GTF2H1: variants seen among roughly 807,000 people sequenced by gnomAD.
GTF2H1 encodes the protein BTF2 p62.
A neutral mutation model predicts 71.2 loss-of-function variants in GTF2H1; 16 were observed. That is an observed-to-expected ratio of 0.22 (90% CI 0.15 to 0.34). GTF2H1 has a LOEUF of 0.34. GTF2H1 is among the 10% of genes least tolerant of loss of function. The probability of loss-of-function intolerance (pLI) is 1.00; values close to 1 mark genes in which losing one functional copy is unlikely to be tolerated. For synonymous variants in GTF2H1, 215 were observed against 219.0 expected (o/e 0.98, Z 0.16); for missense variants, 498 against 648.2 (o/e 0.77, Z 2.52).
intron 13 of GTF2H1, among the ~76,000 whole-genome samples, chr11:18,359,467 A>G (rs557787283): frequency 2.0e-5 from 3 of 152,236 alleles, no homozygotes; most frequent in Non-Finnish European, 4.4e-5. Flanking sequence ...AATGTTGACC[A>G]AGTAGCCAAG....
intron 14 of GTF2H1, chr11:18,360,915 C>G: frequency 2.3e-6 from 1 of 431,630 alleles, no homozygotes; most frequent in South Asian, 2.9e-5. Flanking sequence ...AAGCGATTCT[C>G]CTGCCTCAGC....
chr11:18,341,043 C>T (rs1048083171), intron 5 of GTF2H1, among the ~76,000 whole-genome samples: 3 of 152,246 alleles, frequency 2.0e-5, no homozygotes, highest in Non-Finnish European at 4.4e-5. Context: ...TCTTTTGGTG[C>T]AAATAAGGTT....
intron 14 of GTF2H1, 78 bp from the exon 15 acceptor site, chr11:18,365,705 T>C (rs1865807973): frequency 3.3e-6 from 3 of 897,732 alleles, no homozygotes; most frequent in Admixed American, 1.7e-5. Context: ...CACTCTGAAG[T>C]GTGTGCCAGA....
intron 1 of GTF2H1, 143 bp from the exon 2 acceptor site, chr11:18,332,917 G>T: frequency 1.9e-6 from 1 of 539,650 alleles, no homozygotes; most frequent in Non-Finnish European, 3.1e-6. Context: ...CTTCAACTTT[G>T]AATGAGAAAA....
At chr11:18,342,252 C>CTTTTTTTTTTTTTTTT (rs71047585) in intron 7 of GTF2H1, among the ~76,000 whole-genome samples, 3 of 72,720 alleles carry the variant, frequency 4.1e-5, no homozygotes, top group African/African-American at 5.1e-5. Context: ...TTTTCTGTCT[C>CTTTTTTTTTTTTTTTT]TTTTTTTTTT....
rs745776447 is a variant in GTF2H1 at position 18,358,598 on chromosome 11, C to G, written c.1425C>G (p.Phe475Leu). 1 of 1,612,042 alleles carries G rather than the reference C, an allele frequency of 6.2e-7. No individual in the cohort carries two copies. Among genetic ancestry groups the G allele is most frequent in the Non-Finnish European group, 8.5e-7 (1 of 1,178,174 alleles). Residue 475 changes from phenylalanine to leucine, a missense_variant, in exon 13 of 15, where the codon TTC becomes TTG. Physicochemically the swap from Phe to Leu is conservative, Grantham distance 22. Transcript: ENST00000265963. Reference protein sequence around the residue: ...YVAVGELLRHFWSCFPVNTPF... With the variant: ...YVAVGELLRHLWSCFPVNTPF... Reference sequence around the variant, plus strand: ...CTGTTGGAGAACTTCTACGACATTTCTGGTCCTGCTTTCCTGTTAATACGC... The same window carrying G: ...CTGTTGGAGAACTTCTACGACATTTGTGGTCCTGCTTTCCTGTTAATACGC...
intron 9 of GTF2H1, chr11:18,348,883 T>C (rs1865361098): frequency 6.6e-6 from 1 of 152,208 alleles, no homozygotes; most frequent in Admixed American, 6.5e-5. Context: ...GTTGTTGTTA[T>C]TGTTTGTTTT....
intron 11 of GTF2H1, among the ~76,000 whole-genome samples, chr11:18,355,034 T>G (rs1199967295): frequency 6.6e-6 from 1 of 152,040 alleles, no homozygotes; most frequent in East Asian, 1.9e-4. Context: ...GGTCTTTAAC[T>G]CCTGAGCTCA....
Position 18,351,961 on chromosome 11 carries a change from G to A in GTF2H1, c.1134G>A (p.Lys378=). The A allele has an allele frequency of 1.3e-6, 2 of 1,567,848 alleles. No homozygotes were observed. The highest frequency in any genetic ancestry group is 1.8e-6 in the Non-Finnish European group (2 of 1,138,236). ...AAACGATTGCACTAAACCTCAAGAA[G>A]TCAGATAGGTAAGTTTGGTCAATAT... ...SVKTIALNLK[K]SDRYYHGPTP... Residue 378 remains lysine (K), a synonymous_variant, in exon 10 of 15, where the codon AAG becomes AAA. Coordinates refer to ENST00000265963, the MANE Select transcript of GTF2H1 (RefSeq NM_005316.4).
At chr11:18,363,366 T>C (rs1272192088) in intron 14 of GTF2H1, among the ~76,000 whole-genome samples, 1 of 152,178 alleles carries the variant, frequency 6.6e-6, no homozygotes, top group Non-Finnish European at 1.5e-5. Context: ...GGCTACTTAA[T>C]AGGTTCGTTT....
At chr11:18,365,728 G>A in intron 14 of GTF2H1, 55 bp from the exon 15 acceptor site, 1 of 1,218,970 alleles carries the variant, frequency 8.2e-7, no homozygotes, top group East Asian at 2.3e-5. Context: ...TGGGTTGGAA[G>A]GATTAACTTC....
intron 14 of GTF2H1, among the ~76,000 whole-genome samples, chr11:18,361,749 A>G (rs1396836437): frequency 3.3e-5 from 5 of 152,232 alleles, no homozygotes; most frequent in Admixed American, 2.6e-4. Context: ...AGTAGCAAGC[A>G]CAAACCTAGC....
chr11:18,360,580 T>C (rs767865360), intron 13 of GTF2H1, 35 bp from the exon 14 acceptor site: 1 of 1,022,162 alleles, frequency 9.8e-7, no homozygotes, highest in African/African-American at 1.7e-5. Context: ...CAGCTTGAGA[T>C]TTCTCTGTAA....
intron 1 of GTF2H1, among the ~76,000 whole-genome samples, chr11:18,330,702 A>G (rs946148938): frequency 6.6e-6 from 1 of 152,186 alleles, no homozygotes; most frequent in Non-Finnish European, 1.5e-5. Flanking sequence ...TTAGGAGTCT[A>G]CACACATTCT....
At chr11:18,362,838 T>A (rs1357157063) in intron 14 of GTF2H1, among the ~76,000 whole-genome samples, 1 of 151,734 alleles carries the variant, frequency 6.6e-6, no homozygotes, top group African/African-American at 2.4e-5. Context: ...GCCCAGCTAA[T>A]TTTTGTATTT....
rs1369629269 is a variant in GTF2H1, at chr11:18,335,922, A to G, written c.323A>G (p.Asn108Ser). ...CTGCCCAAATTCAAGAGGAAAGCAA[A>G]TAAAGAACTGGAAGAGAAGAACAGG... Reference protein sequence around the residue: ...QLLPKFKRKANKELEEKNRML... With the variant: ...QLLPKFKRKASKELEEKNRML... Residue 108 changes from asparagine (N) to serine (S), a missense_variant, in exon 3 of 15, where the codon AAT becomes AGT. Asn to Ser is a conservative substitution (Grantham distance 46). Coordinates refer to ENST00000265963, the MANE Select transcript of GTF2H1 (RefSeq NM_005316.4). 6.2e-7 allele frequency: 1 copy of G among 1,614,080 alleles called. No individual in the cohort carries two copies. Among genetic ancestry groups the G allele is most frequent in the Admixed American group, 1.7e-5 (1 of 60,014 alleles).
chr11:18,348,170 A>T, intron 9 of GTF2H1: 1 of 575,198 alleles, frequency 1.7e-6, no homozygotes, highest in Non-Finnish European at 3.1e-6. Context: ...TTTTCCTCAC[A>T]TGTACACATA....
intron 5 of GTF2H1, among the ~76,000 whole-genome samples, chr11:18,339,943 A>G (rs1468999976): frequency 6.6e-6 from 1 of 152,178 alleles, no homozygotes. Flanking sequence ...CTTCCCGTGC[A>G]GATGCCATCC....
At chr11:18,328,656 C>G (rs1252303273) in intron 1 of GTF2H1, among the ~76,000 whole-genome samples, 1 of 151,936 alleles carries the variant, frequency 6.6e-6, no homozygotes, top group Non-Finnish European at 1.5e-5. Context: ...GAAACTCCAT[C>G]TCTACTAAAA....
Sources: gnomAD v4.1 joint callset for allele counts (sites outside exome capture counted in the v4.1 genomes callset) on GRCh38, gnomAD v4.1.1 for gene constraint, MANE v1.5 for transcripts, NCBI Gene and HGNC (gene_info 2026-07-23, HGNC 2026-07-21) for gene names.